The following MUC5B variants were observed in gnomAD, a reference collection of about 807,000 sequenced individuals.
MUC5B encodes mucin 5B, oligomeric mucus/gel-forming.
MUC5B carries 116 observed loss-of-function variants against 376.9 expected under a neutral mutation model. The ratio of observed to expected loss-of-function variants is 0.31; its 90% CI spans 0.26 to 0.36. The LOEUF (loss-of-function observed/expected upper bound fraction) is 0.36. Ranked by LOEUF, MUC5B falls within the 10% of genes least tolerant of loss-of-function variation. The pLI is 1.00. For missense variants in MUC5B, 7,165 were observed against 7,769.9 expected (o/e 0.92, Z 2.93); for synonymous variants, 3,517 against 3,390.9 (o/e 1.04, Z -1.29).
chr11:1,257,214 G>A lies in MUC5B; in HGVS notation c.16238-26G>A, dbSNP rs752839147. 6 of 779,644 alleles carry A rather than the reference G, an allele frequency of 7.7e-6. No individual in the cohort carries two copies. Among genetic ancestry groups the A allele is most frequent in the Admixed American group, 3.4e-5 (2 of 59,040 alleles). 48.3% of individuals were successfully genotyped at this position (779,644 alleles called of 1,614,324 possible). Reference sequence around the variant, plus strand: ...TCCGCCTGCAAACTCAGCACCCTCCGTGATGCCATGCTGTTTTCTTTCCAG... The same window carrying A: ...TCCGCCTGCAAACTCAGCACCCTCCATGATGCCATGCTGTTTTCTTTCCAG... On this transcript the variant is annotated intron_variant, in intron 39 of 48. Transcript: ENST00000529681. The surrounding 1 kb of genome is among the most constrained non-coding windows in gnomAD (Gnocchi z 8.9).
Position 1,257,982 on chromosome 11 carries a change from A to C in MUC5B, c.16451-117A>C. ...AGCAAGGGGCCTGGAGGGAGCCCCC[A>C]GGGGCTGTGAAGCGGTCAGGTCCTC... On this transcript the variant is annotated intron_variant, in intron 41 of 48. Coordinates refer to ENST00000529681, the MANE Select transcript of MUC5B (RefSeq NM_002458.3). This position sits in a 1 kb window ranked among gnomAD's most constrained non-coding sequence, Gnocchi z 8.9. 1 of 1,096,762 alleles carries C rather than the reference A, an allele frequency of 9.1e-7. No homozygotes were observed. Among genetic ancestry groups the C allele is most frequent in the Non-Finnish European group, 1.3e-6 (1 of 756,746 alleles). 67.9% of individuals were successfully genotyped at this position (1,096,762 alleles called of 1,614,324 possible).
rs1218589305 is a variant in MUC5B at position 1,257,391 on chromosome 11, C to T, written c.16269+120C>T. 1 of 1,024,318 alleles carries T rather than the reference C, an allele frequency of 9.8e-7. No homozygotes were observed. Among genetic ancestry groups the T allele is most frequent in the Non-Finnish European group, 1.5e-6 (1 of 660,678 alleles). 63.5% of individuals were successfully genotyped at this position (1,024,318 alleles called of 1,614,324 possible). ...GCGCCCGAGTGTGACGTGGACGTGC[C>T]AGTGGCTGGTGTGCGCTTCCTGCCC... is the stretch of plus-strand genomic sequence containing the variant. On this transcript the variant is annotated intron_variant, in intron 40 of 48. Coordinates refer to ENST00000529681, the MANE Select transcript of MUC5B (RefSeq NM_002458.3). The surrounding 1 kb of genome is among the most constrained non-coding windows in gnomAD (Gnocchi z 8.9).
Position 1,250,393 on chromosome 11 carries a change from A to G in MUC5B, c.13513A>G (p.Thr4505Ala). ...ATPSSSPGTA[T>A]ALPALRSTAT... is the part of the protein sequence containing the mutation. Reference sequence around the variant, plus strand: ...TCCCTCCTCCAGTCCAGGGACTGCAACTGCCCTTCCAGCACTGAGAAGCAC... The same window carrying G: ...TCCCTCCTCCAGTCCAGGGACTGCAGCTGCCCTTCCAGCACTGAGAAGCAC... Residue 4505 changes from threonine to alanine, a missense_variant, in exon 31 of 49, where the codon ACT becomes GCT. Thr to Ala is a moderately conservative substitution (Grantham distance 58). Transcript: ENST00000529681. 6.2e-7 allele frequency: 1 copy of G among 1,610,756 alleles called. No homozygotes were observed. The highest frequency in any genetic ancestry group is 8.5e-7 in the Non-Finnish European group (1 of 1,178,802).
At chr11:1,261,074 A>G (rs1209815688) in intron 48 of MUC5B, among the ~76,000 whole-genome samples, 1 of 152,226 alleles carries the variant, frequency 6.6e-6, no homozygotes, top group African/African-American at 2.4e-5. Context: ...AGGAGGGGCC[A>G]GAAGGGTTGA....
chr11:1,239,345 A>C, intron 26 of MUC5B, 93 bp from the exon 27 acceptor site: 1 of 1,475,300 alleles, frequency 6.8e-7, no homozygotes, highest in Non-Finnish European at 9.1e-7. Flanking sequence ...GGCTCTGGGG[A>C]CACCGGCCCC....
chr11:1,252,712 G>C, intron 32 of MUC5B, 97 bp from the exon 33 acceptor site: 1 of 1,472,580 alleles, frequency 6.8e-7, no homozygotes, highest in Non-Finnish European at 9.1e-7. Context: ...GCAGGCTCTT[G>C]TGGCCACCCG....
Position 1,244,722 on chromosome 11 carries a change from G to C in MUC5B, c.7842G>C (p.Thr2614=), listed in dbSNP as rs764191603. Residue 2614 remains threonine (T), a synonymous_variant, in exon 31 of 49, where the codon ACG becomes ACC. Coordinates refer to ENST00000529681, the MANE Select transcript of MUC5B (RefSeq NM_002458.3). ...HTTKVLTTTT[T]GFTATPSSSP... is the part of the protein sequence containing the mutation. The stretch of plus-strand genomic sequence containing the variant: ...CCAAAGTGCTGACTACCACAACCAC[G>C]GGCTTCACAGCCACCCCCTCCTCCA... 8 of 1,607,010 alleles carry C rather than the reference G, an allele frequency of 5.0e-6. 1 individual carries two copies. The Admixed American group carries it at 1.3e-4, about 27-fold the overall frequency.
chr11:1,250,337 C>G lies in MUC5B; in HGVS notation c.13457C>G (p.Thr4486Arg), dbSNP rs1350596930. 5.6e-6 allele frequency: 9 copies of G among 1,613,168 alleles called. No homozygotes were observed. Among genetic ancestry groups the G allele is most frequent in the African/African-American group, 1.3e-5 (1 of 74,624 alleles). ...ACCCCACATGTGAGCACCACGGCCA[C>G]GACACCCACAGTCACCAGCTCCAAA... ...AGTPHVSTTA[T>R]TPTVTSSKAT... The change falls in exon 31 of 49, where the codon ACG becomes AGG. Residue 4486 changes from threonine to arginine, a missense_variant. Coordinates refer to ENST00000529681, the MANE Select transcript of MUC5B (RefSeq NM_002458.3).
chr11:1,237,325 C>T (rs996510795), intron 25 of MUC5B, among the ~76,000 whole-genome samples, 161 bp downstream of exon 25: 4 of 152,184 alleles, frequency 2.6e-5, no homozygotes, highest in African/African-American at 4.8e-5. Flanking sequence ...CCGGATCTCC[C>T]GTCAGCCCCA....
At position 1,245,550 on chromosome 11, in the gene MUC5B, C is replaced by G; in HGVS notation, c.8670C>G (p.Pro2890=). 6.4e-7 allele frequency: 1 copy of G among 1,565,048 alleles called. No individual in the cohort carries two copies. Among genetic ancestry groups the G allele is most frequent in the Non-Finnish European group, 8.7e-7 (1 of 1,155,572 alleles). The change falls in exon 31 of 49, where the codon CCC becomes CCG. Residue 2890 remains proline, a synonymous_variant. Coordinates refer to ENST00000529681, the MANE Select transcript of MUC5B (RefSeq NM_002458.3). ...ACTACAGCTACCCCATGCCGGGGCCCTCTGGCGGGGACTTTGACACCTACT... is the reference window on the plus strand; with the variant it reads ...ACTACAGCTACCCCATGCCGGGGCCGTCTGGCGGGGACTTTGACACCTACT... The part of the protein sequence containing the change: ...WLDYSYPMPG[P]SGGDFDTYSN...
chr11:1,226,092 G>C, intron 2 of MUC5B, 113 bp from the exon 3 acceptor site: 1 of 1,090,506 alleles, frequency 9.2e-7, no homozygotes, highest in Non-Finnish European at 1.3e-6. Context: ...CAGCCCATCA[G>C]TTTTGGGCTC....
Position 1,249,688 on chromosome 11 carries a change from T to C in MUC5B, c.12808T>C (p.Ser4270Pro). 1.2e-6 allele frequency: 2 copies of C among 1,607,650 alleles called. No individual in the cohort carries two copies. The highest frequency in any genetic ancestry group is 2.7e-5 in the African/African-American group (2 of 73,458). Residue 4270 changes from serine (S) to proline (P), a missense_variant, in exon 31 of 49, where the codon TCC (serine) becomes CCC (proline). By Grantham distance (74) the Ser-to-Pro change is moderately conservative (BLOSUM62 -1). Around this residue, in one of 31 missense-constraint regions of MUC5B, gnomAD observed 431 missense variants for 390.4 expected, o/e 1.10. Coordinates refer to ENST00000529681, the MANE Select transcript of MUC5B (RefSeq NM_002458.3). ...TASTGSTATP[S>P]STPGTAPPPK... ...ATCCACTGGATCCACGGCCACCCCGTCCTCCACCCCGGGAACAGCTCCCCC... is the reference window on the plus strand; with the variant it reads ...ATCCACTGGATCCACGGCCACCCCGCCCTCCACCCCGGGAACAGCTCCCCC...
At chr11:1,232,351 C>G in intron 15 of MUC5B, 99 bp from the exon 16 acceptor site, 1 of 1,425,612 alleles carries the variant, frequency 7.0e-7, no homozygotes, top group Non-Finnish European at 9.5e-7. Flanking sequence ...CCGCAAATTC[C>G]AACTCACTGT....
At position 1,243,494 on chromosome 11, in the gene MUC5B, G is replaced by T. The variant is rs1862354884; in HGVS notation, c.6614G>T (p.Ser2205Ile). Residue 2205 changes from serine (S) to isoleucine (I), a missense_variant, in exon 31 of 49, where the codon AGC (serine) becomes ATC (isoleucine). Coordinates refer to ENST00000529681, the MANE Select transcript of MUC5B (RefSeq NM_002458.3). Reference sequence around the variant, plus strand: ...ACACACGGGCGATCCCTGCCCCCCAGCAGTCCCCACACGGTGCGCACAGCC... The same window carrying T: ...ACACACGGGCGATCCCTGCCCCCCATCAGTCCCCACACGGTGCGCACAGCC... ...ATTHGRSLPP[S>I]SPHTVRTAWT... The T allele has an allele frequency of 6.3e-7, 1 of 1,590,464 alleles. No individual in the cohort carries two copies. Among genetic ancestry groups the T allele is most frequent in the Non-Finnish European group, 8.5e-7 (1 of 1,170,234 alleles).
At chr11:1,227,911 C>T in intron 7 of MUC5B, 130 bp downstream of exon 7, 3 of 611,304 alleles carry the variant, frequency 4.9e-6, no homozygotes, top group South Asian at 1.9e-5. Flanking sequence ...CGGGCAGCCA[C>T]CCTCTGTGTG....
In MUC5B at chr11:1,237,006, G is replaced by A; in HGVS notation, c.3139G>A (p.Asp1047Asn). ...CACGCGTAGCCGGTCCGTGGTGGGGGACGCACTGGAGTTTGGGAACAGCTG... is the reference window on the plus strand; with the variant it reads ...CACGCGTAGCCGGTCCGTGGTGGGGAACGCACTGGAGTTTGGGAACAGCTG... ...FATRSRSVVG[D>N]ALEFGNSWKL... is the part of the protein sequence containing the mutation. The change falls in exon 25 of 49, where the codon GAC becomes AAC. Residue 1047 changes from aspartate (D) to asparagine (N), a missense_variant. Asp to Asn is a conservative substitution (Grantham distance 23, BLOSUM62 1). Coordinates refer to ENST00000529681, the MANE Select transcript of MUC5B (RefSeq NM_002458.3). 2 of 1,574,964 alleles carry A rather than the reference G, an allele frequency of 1.3e-6. No homozygotes were observed. Among genetic ancestry groups the A allele is most frequent in the Non-Finnish European group, 1.7e-6 (2 of 1,160,146 alleles).
Position 1,241,994 on chromosome 11 carries a change from G to T in MUC5B, c.5114G>T (p.Ser1705Ile). The T allele has an allele frequency of 6.3e-7, 1 of 1,591,010 alleles. No individual in the cohort carries two copies. Among genetic ancestry groups the T allele is most frequent in the Non-Finnish European group, 8.6e-7 (1 of 1,169,556 alleles). ...TCAGCCCTTCCAGGGACGACGGGGA[G>T]CTTGGGCACATGGCGCCCCTCACAG... ...TRSALPGTTG[S>I]LGTWRPSQPP... The change falls in exon 31 of 49, where the codon AGC becomes ATC. Residue 1705 changes from serine (S) to isoleucine (I), a missense_variant. Ser to Ile is a moderately radical substitution (Grantham distance 142, BLOSUM62 -2). Coordinates refer to ENST00000529681, the MANE Select transcript of MUC5B (RefSeq NM_002458.3).
chr11:1,261,095 G>A (rs1375376865), intron 48 of MUC5B, among the ~76,000 whole-genome samples: 1 of 152,248 alleles, frequency 6.6e-6, no homozygotes, highest in African/African-American at 2.4e-5. Flanking sequence ...CCCTTAGCTA[G>A]AAGAGGCAGG....
At position 1,229,681 on chromosome 11, in the gene MUC5B, G is replaced by A. The variant is rs758571364; in HGVS notation, c.1103-9G>A. On this transcript the variant is annotated splice_polypyrimidine_tract_variant and intron_variant, in intron 9 of 48. Transcript: ENST00000529681. ...ATGGGCCGGCCCTGCCTCACGCCGC[G>A]CCCCACAGGCACGGTGCTGGATGAC... 2.3e-5 allele frequency: 36 copies of A among 1,556,650 alleles called. No individual in the cohort carries two copies. The highest frequency in any genetic ancestry group is 4.8e-5 in the East Asian group (2 of 41,698).
Sources: gnomAD v4.1 joint callset for allele counts (sites outside exome capture counted in the v4.1 genomes callset) on GRCh38, gnomAD v4.1.1 for gene constraint, gnomAD v4.1.1 regional missense constraint, Gnocchi (gnomAD v3.1) non-coding constraint, MANE v1.5 for transcripts, NCBI Gene and HGNC (gene_info 2026-07-23, HGNC 2026-07-21) for gene names.